GABRA4: variants seen among roughly 807,000 people sequenced by gnomAD.
The protein encoded by GABRA4 is gamma-aminobutyric acid type A receptor subunit alpha4.
GABRA4 carries 12 observed loss-of-function variants against 49.7 expected under a neutral mutation model. The ratio of observed to expected loss-of-function variants is 0.24; its 90% CI spans 0.15 to 0.39. The LOEUF (loss-of-function observed/expected upper bound fraction) is 0.39, where lower values mean the gene tolerates loss of function less well. Among genes scored for constraint, GABRA4 ranks in the 10% least tolerant of loss-of-function variants. The pLI is 1.00. For missense variants in GABRA4, 506 were observed against 686.0 expected (o/e 0.74, Z 2.93); for synonymous variants, 288 against 240.2 (o/e 1.20, Z -1.84).
intron 8 of GABRA4, among the ~76,000 whole-genome samples, chr4:46,939,801 A>G (rs1721730508): frequency 6.6e-6 from 1 of 151,892 alleles, no homozygotes; most frequent in African/African-American, 2.4e-5. Context: ...TGATTAGAAA[A>G]TCCTTTCTTC....
chr4:46,955,216 C>A (rs1311618020), intron 8 of GABRA4, among the ~76,000 whole-genome samples: 1 of 151,996 alleles, frequency 6.6e-6, no homozygotes, highest in Non-Finnish European at 1.5e-5. Flanking sequence ...ACATACACAC[C>A]CTACCATATT....
chr4:46,985,117 T>C (rs1437359772), intron 2 of GABRA4, among the ~76,000 whole-genome samples: 2 of 151,982 alleles, frequency 1.3e-5, no homozygotes, highest in African/African-American at 4.8e-5. Context: ...TATGCAACAA[T>C]AAGAATGATT....
rs532726655 is a variant in GABRA4, at chr4:46,977,318, AAGGG to A, written c.494+88_494+91del. The A allele has an allele frequency of 6.5e-4, 383 of 587,642 alleles. 2 individuals are homozygous for A. In the African/African-American group the frequency reaches 7.4e-3, roughly 11 times the overall value. The allele number at this position is 587,642 out of a possible 1,614,324, so 36.4% of individuals were successfully genotyped here. On this transcript the variant is annotated intron_variant, in intron 4 of 8. Transcript: ENST00000264318. The stretch of plus-strand genomic sequence containing the variant: ...GAAGGGAGGGAGGAAGGGAGGGAGG[AAGGG>A]AGGGAGGAAGGAAGGAAGGAAGGAA...
At chr4:46,960,585 T>C (rs1722541242) in intron 8 of GABRA4, among the ~76,000 whole-genome samples, 1 of 151,672 alleles carries the variant, frequency 6.6e-6, no homozygotes, top group Admixed American at 6.6e-5. Context: ...ACAATGAAGT[T>C]TTCAAAAATC....
chr4:46,927,292 T>C lies in GABRA4; in HGVS notation c.*933A>G, dbSNP rs1721262499. On this transcript the variant is annotated 3_prime_UTR_variant, in exon 9 of 9. Coordinates refer to ENST00000264318, the MANE Select transcript of GABRA4 (RefSeq NM_000809.4). ...ATCAAAGTGGTTATGTGAACAAATATATTTGTTATCCACTATCAGTAGAGG... is the reference window on the plus strand; with the variant it reads ...ATCAAAGTGGTTATGTGAACAAATACATTTGTTATCCACTATCAGTAGAGG... The C allele has an allele frequency of 6.6e-6, 1 of 152,502 alleles. No individual in the cohort carries two copies. The highest frequency in any genetic ancestry group is 6.6e-5 in the Admixed American group (1 of 15,224). The allele number at this position is 152,502 out of a possible 1,614,324, so 9.4% of individuals were successfully genotyped here. A position where few individuals can be genotyped will look rare whatever the true frequency, so the allele number is the denominator to read the frequency against.
At chr4:46,939,285 A>T (rs1721710862) in intron 8 of GABRA4, among the ~76,000 whole-genome samples, 1 of 152,022 alleles carries the variant, frequency 6.6e-6, no homozygotes, top group African/African-American at 2.4e-5. Context: ...ATTCTATTCT[A>T]ACATAATTAA....
intron 8 of GABRA4, among the ~76,000 whole-genome samples, chr4:46,950,765 A>T (rs1384546948): frequency 7.3e-6 from 1 of 137,412 alleles, no homozygotes; most frequent in Non-Finnish European, 1.6e-5. Flanking sequence ...ATGCTTGTCC[A>T]GCTCTTGCTT....
rs1040304284 is a variant in GABRA4, at chr4:46,926,600, A to G, written c.*1625T>C. The G allele has an allele frequency of 6.6e-6, 1 of 151,948 alleles. No homozygotes were observed. Among genetic ancestry groups the G allele is most frequent in the Non-Finnish European group, 1.5e-5 (1 of 67,878 alleles). 9.4% of individuals were successfully genotyped at this position (151,948 alleles called of 1,614,324 possible). On this transcript the variant is annotated 3_prime_UTR_variant, in exon 9 of 9. Transcript: ENST00000264318. ...TATAAAAACAAAAAGAGAGAGAGAG[A>G]TTTTGTCTGCAAGGTGGTCATTTCT...
At chr4:46,961,942 G>GA (rs2092517733) in intron 8 of GABRA4, among the ~76,000 whole-genome samples, 1 of 151,852 alleles carries the variant, frequency 6.6e-6, no homozygotes, top group South Asian at 2.1e-4. Context: ...ACTCCATGAA[G>GA]AAAAAGATAC....
Position 46,924,393 on chromosome 4 carries a change from C to T in GABRA4, c.*3832G>A, listed in dbSNP as rs752149921. 1.2e-4 allele frequency: 18 copies of T among 151,966 alleles called. No individual in the cohort carries two copies. Among genetic ancestry groups the T allele is most frequent in the Non-Finnish European group, 2.2e-4 (15 of 67,950 alleles). 9.4% of individuals were successfully genotyped at this position (151,966 alleles called of 1,614,324 possible). ...ACTCTAGTTTTGGCCCTGCTGTATTCTACTGAAGCATTAGTTACATCCCAT... is the reference window on the plus strand; with the variant it reads ...ACTCTAGTTTTGGCCCTGCTGTATTTTACTGAAGCATTAGTTACATCCCAT... On this transcript the variant is annotated 3_prime_UTR_variant, in exon 9 of 9. Transcript: ENST00000264318.
chr4:46,941,408 G>A (rs1390203299), intron 8 of GABRA4, among the ~76,000 whole-genome samples: 2 of 152,074 alleles, frequency 1.3e-5, no homozygotes, highest in East Asian at 1.9e-4. Context: ...CCTGAGTACA[G>A]TGAGAATAAT....
chr4:46,962,216 C>T (rs1489756697), intron 8 of GABRA4, among the ~76,000 whole-genome samples: 1 of 151,830 alleles, frequency 6.6e-6, no homozygotes, highest in East Asian at 1.9e-4. Context: ...GCTTTAAAGA[C>T]TCCACAAGAA....
chr4:46,965,284 AGCACCGC>A, intron 7 of GABRA4, 55 bp from the exon 8 acceptor site: 1 of 1,344,304 alleles, frequency 7.4e-7, no homozygotes, highest in South Asian at 2.3e-5. Flanking sequence ...TGTATTAAAA[AGCACCGC>A]CACCACCAAC....
intron 8 of GABRA4, among the ~76,000 whole-genome samples, chr4:46,950,292 AT>A (rs1333882105): frequency 1.3e-5 from 2 of 152,080 alleles, no homozygotes; most frequent in Admixed American, 1.3e-4. Flanking sequence ...ATGTGCCCCC[AT>A]TAGGCCCAGG....
chr4:46,941,816 C>A (rs754899697), intron 8 of GABRA4, among the ~76,000 whole-genome samples: 8 of 152,028 alleles, frequency 5.3e-5, no homozygotes, highest in Non-Finnish European at 1.0e-4. Flanking sequence ...CCAGATCTGC[C>A]AATTGTAAAG....
intron 8 of GABRA4, among the ~76,000 whole-genome samples, chr4:46,949,582 GA>G (rs972610202): frequency 1.3e-4 from 19 of 151,948 alleles, no homozygotes; most frequent in African/African-American, 4.6e-4. Context: ...GATCACATTG[GA>G]AAAAAATCTG....
In GABRA4 at chr4:46,986,178, A is replaced by AT. The variant is rs925567915; in HGVS notation, c.205+6649dup. Among the ~76,000 whole-genome samples the AT allele has an allele frequency of 7.1e-4, 108 of 151,988 alleles. 2 individuals carry two copies. Among genetic ancestry groups the AT allele is most frequent in the Admixed American group, 7.0e-3 (107 of 15,252 alleles). On this transcript the variant is annotated intron_variant, in intron 2 of 8. Coordinates refer to ENST00000264318, the MANE Select transcript of GABRA4 (RefSeq NM_000809.4). ...CATTGTTCCCACCAACTTTAAAAGT[A>AT]TTTTTTTCCTAGCATTTTTCTACCT...
At chr4:46,936,813 C>G (rs533912769) in intron 8 of GABRA4, among the ~76,000 whole-genome samples, 7 of 152,244 alleles carry the variant, frequency 4.6e-5, no homozygotes, top group African/African-American at 1.7e-4. Flanking sequence ...ACGATAGTGT[C>G]ACTTTTTTCC....
intron 2 of GABRA4, among the ~76,000 whole-genome samples, chr4:46,985,231 T>C (rs1723490330): frequency 6.6e-6 from 1 of 152,052 alleles, no homozygotes; most frequent in Admixed American, 6.6e-5. Flanking sequence ...ACAGTCAACC[T>C]AAAATGACAT....
Sources: gnomAD v4.1 joint callset for allele counts (sites outside exome capture counted in the v4.1 genomes callset) on GRCh38, gnomAD v4.1.1 for gene constraint, MANE v1.5 for transcripts, NCBI Gene and HGNC (gene_info 2026-07-23, HGNC 2026-07-21) for gene names.